RGS22: variants seen among roughly 807,000 people sequenced by gnomAD.
The protein encoded by RGS22 is regulator of G-protein signaling 22.
Under a neutral mutation model 172.9 loss-of-function variants are expected in RGS22, and 148 were observed. The ratio of observed to expected loss-of-function variants is 0.86; its 90% CI spans 0.75 to 0.98. The LOEUF is 0.98. RGS22 is among the 50% of genes least tolerant of loss of function. The pLI, the probability that RGS22 is intolerant of heterozygous loss-of-function variation, is 0.00. For synonymous variants in RGS22, 458 were observed against 480.2 expected (o/e 0.95, Z 0.60); for missense variants, 1,347 against 1,440.8 (o/e 0.93, Z 1.05).
intron 14 of RGS22, among the ~76,000 whole-genome samples, chr8:100,017,842 C>T (rs1817171914): frequency 6.6e-6 from 1 of 152,136 alleles, no homozygotes. Context: ...CCGCCCAGTT[C>T]TTCCTTTCTA....
chr8:99,971,523 C>A (rs1811344242), intron 23 of RGS22, among the ~76,000 whole-genome samples: 1 of 152,206 alleles, frequency 6.6e-6, no homozygotes, highest in South Asian at 2.1e-4. Context: ...GCAACTTCAG[C>A]AAAGTCTCAG....
rs1388315584 is a variant in RGS22, at chr8:99,962,408, C to T, written c.*31G>A. 1 of 1,612,458 alleles carries T rather than the reference C, an allele frequency of 6.2e-7. No homozygotes were observed. Among genetic ancestry groups the T allele is most frequent in the East Asian group, 2.2e-5 (1 of 44,878 alleles). Reference sequence around the variant, plus strand: ...CTATGACGTACCTTGAACCTATCAGCAGCAGGATGTAAACATTCACAAGAA... The same window carrying T: ...CTATGACGTACCTTGAACCTATCAGTAGCAGGATGTAAACATTCACAAGAA... On this transcript the variant is annotated 3_prime_UTR_variant, in exon 27 of 28. Transcript: ENST00000360863.
rs1265844794 is a variant in RGS22 at position 99,999,516 on chromosome 8, C to T, written c.2791-96G>A. The T allele has an allele frequency of 6.7e-6, 9 of 1,343,244 alleles. No individual in the cohort carries two copies. The South Asian group carries it at 7.1e-5, about 11-fold the overall frequency. 83.2% of individuals were successfully genotyped at this position (1,343,244 alleles called of 1,614,324 possible). A position where few individuals can be genotyped will look rare whatever the true frequency, so the allele number is the denominator to read the frequency against. On this transcript the variant is annotated intron_variant, in intron 18 of 27. Transcript: ENST00000360863. ...TCATTCACTACAAAACCATTTGCTG[C>T]ACCCTGAGGGGTGCCAATTTTCATT...
At chr8:100,097,108 AAAG>A (rs1189110609) in intron 2 of RGS22, among the ~76,000 whole-genome samples, 1 of 152,220 alleles carries the variant, frequency 6.6e-6, no homozygotes, top group Non-Finnish European at 1.5e-5. Context: ...AAACACGAGC[AAAG>A]AAGAGAGGCC....
chr8:100,096,607 A>T (rs1302207534), intron 2 of RGS22, among the ~76,000 whole-genome samples: 3 of 142,498 alleles, frequency 2.1e-5, no homozygotes, highest in South Asian at 2.2e-4. Flanking sequence ...ATGAACTACA[A>T]TTTTTTTTTT....
chr8:100,052,581 T>C (rs1312460128), intron 10 of RGS22, among the ~76,000 whole-genome samples: 1 of 152,164 alleles, frequency 6.6e-6, no homozygotes, highest in Non-Finnish European at 1.5e-5. Flanking sequence ...ATTACAGGCA[T>C]GAGCCACCGC....
chr8:100,086,708 A>G (rs1812189763), intron 3 of RGS22, among the ~76,000 whole-genome samples: 1 of 152,100 alleles, frequency 6.6e-6, no homozygotes, highest in African/African-American at 2.4e-5. Context: ...AATCTAAAAT[A>G]AAAGTTGAAA....
intron 14 of RGS22, 48 bp downstream of exon 14, chr8:100,038,883 T>C: frequency 8.1e-7 from 1 of 1,229,508 alleles, no homozygotes; most frequent in South Asian, 1.4e-5. Flanking sequence ...TTTTCATTTC[T>C]CTGTGTACTT....
At chr8:100,020,688 A>T (rs1203598266) in intron 14 of RGS22, among the ~76,000 whole-genome samples, 3 of 152,228 alleles carry the variant, frequency 2.0e-5, no homozygotes, top group African/African-American at 7.2e-5. Context: ...GTCAGTTGTT[A>T]AACTCTGTCA....
chr8:100,080,797 T>A (rs564427088), intron 3 of RGS22: 13 of 157,958 alleles, frequency 8.2e-5, no homozygotes, highest in South Asian at 1.9e-4. Flanking sequence ...AAAGGAGAAA[T>A]TTAAGTACAA....
chr8:100,104,329 C>CGTGT (rs34385626), intron 2 of RGS22, among the ~76,000 whole-genome samples: 9,644 of 140,328 alleles, frequency 0.069, 370 homozygotes, highest in Middle Eastern at 0.081. Flanking sequence ...AAAATATGTG[C>CGTGT]GTGTGTGTGT....
intron 6 of RGS22, among the ~76,000 whole-genome samples, chr8:100,066,703 C>T (rs1810556795): frequency 6.6e-6 from 1 of 152,158 alleles, no homozygotes; most frequent in Non-Finnish European, 1.5e-5. Flanking sequence ...GTCCCCCATT[C>T]TGTCTCACCT....
intron 14 of RGS22, among the ~76,000 whole-genome samples, chr8:100,023,344 T>C (rs915819186): frequency 3.9e-5 from 6 of 152,334 alleles, no homozygotes; most frequent in Non-Finnish European, 8.8e-5. Flanking sequence ...CAAGGGCATG[T>C]CAAGGTCTGC....
chr8:100,032,661 G>A (rs1366903569), intron 14 of RGS22, among the ~76,000 whole-genome samples: 1 of 152,178 alleles, frequency 6.6e-6, no homozygotes, highest in Admixed American at 6.5e-5. Context: ...TCTGCACTAA[G>A]TGGACCTAAT....
chr8:100,051,491 A>T (rs1821315249), intron 10 of RGS22, among the ~76,000 whole-genome samples: 4 of 72,374 alleles, frequency 5.5e-5, no homozygotes, highest in Non-Finnish European at 1.0e-4. Context: ...ATTTATATAT[A>T]ATATATAATA....
intron 2 of RGS22, 132 bp from the exon 3 acceptor site, chr8:100,093,641 A>G (rs1215214263): frequency 6.5e-6 from 4 of 614,562 alleles, no homozygotes; most frequent in Non-Finnish European, 1.1e-5. Context: ...TCAACAGTGA[A>G]CCCTCACTAT....
chr8:100,016,928 A>G (rs2131422640), intron 14 of RGS22, among the ~76,000 whole-genome samples: 1 of 149,334 alleles, frequency 6.7e-6, no homozygotes, highest in South Asian at 2.1e-4. Flanking sequence ...AAATAAATAA[A>G]TATTAATAAT....
chr8:100,041,127 T>C (rs3101328), intron 12 of RGS22, among the ~76,000 whole-genome samples: 143,840 of 152,298 alleles, frequency 0.94, 68,006 homozygotes, highest in East Asian at 1. Context: ...AAGTTTTCAT[T>C]TAGAACTAGT....
intron 14 of RGS22, among the ~76,000 whole-genome samples, chr8:100,035,526 T>C (rs1819349918): frequency 6.6e-6 from 1 of 152,188 alleles, no homozygotes; most frequent in Non-Finnish European, 1.5e-5. Context: ...TATAAATTAG[T>C]TCAACCTTGT....
Sources: allele counts gnomAD v4.1 joint callset (sites outside exome capture counted in the v4.1 genomes callset), GRCh38; gene constraint gnomAD v4.1.1; transcripts MANE v1.5; gene names NCBI Gene and HGNC (gene_info 2026-07-23, HGNC 2026-07-21).